Variants in SUMF1 observed in about 807,000 individuals in gnomAD.
SUMF1 encodes sulfatase modifying factor 1.
In SUMF1, 48 loss-of-function variants were observed where a neutral mutation model predicts 47.6. That is an observed-to-expected ratio of 1.01 (90% CI 0.80 to 1.28). The LOEUF is 1.28. SUMF1 is among the 50% of genes most tolerant of loss of function. SUMF1 has a pLI of 0.00. For synonymous variants in SUMF1, 230 were observed against 192.1 expected (o/e 1.20, Z -1.63); for missense variants, 571 against 485.4 (o/e 1.18, Z -1.66).
At chr3:4,300,073 G>C (rs1393015019) in intron 8 of SUMF1, among the ~76,000 whole-genome samples, 1 of 152,192 alleles carries the variant, frequency 6.6e-6, no homozygotes, top group Non-Finnish European at 1.5e-5. Context: ...AGTAGGAGAA[G>C]ACTGGATCAT....
At chr3:4,391,424 C>T (rs1176154571) in intron 7 of SUMF1, among the ~76,000 whole-genome samples, 5 of 152,236 alleles carry the variant, frequency 3.3e-5, no homozygotes, top group African/African-American at 1.2e-4. Flanking sequence ...TGTTGGAACA[C>T]ATGATGTTGT....
chr3:4,166,605 C>A (rs920890840), intron 8 of SUMF1, among the ~76,000 whole-genome samples: 3 of 152,124 alleles, frequency 2.0e-5, no homozygotes, highest in Non-Finnish European at 4.4e-5. Context: ...TTTTTAGAAG[C>A]ATGACTAGCC....
chr3:4,330,679 T>G (rs1420497755), intron 8 of SUMF1, among the ~76,000 whole-genome samples: 2 of 152,240 alleles, frequency 1.3e-5, no homozygotes, highest in East Asian at 3.8e-4. Flanking sequence ...CCAGATGAAT[T>G]TGTCACTCAA....
intron 8 of SUMF1, among the ~76,000 whole-genome samples, chr3:4,206,334 A>G (rs1286130161): frequency 2.6e-5 from 4 of 151,980 alleles, no homozygotes; most frequent in African/African-American, 4.8e-5. Flanking sequence ...GAACTTGCTC[A>G]GGAATCACAG....
intron 8 of SUMF1, among the ~76,000 whole-genome samples, chr3:4,075,277 G>C (rs1160670966): frequency 6.6e-6 from 1 of 151,990 alleles, no homozygotes; most frequent in Non-Finnish European, 1.5e-5. Context: ...AAGAGGACTT[G>C]ACAAAATTCA....
chr3:4,070,770 G>C (rs977274549), intron 8 of SUMF1, among the ~76,000 whole-genome samples: 1 of 151,958 alleles, frequency 6.6e-6, no homozygotes, highest in African/African-American at 2.4e-5. Flanking sequence ...TGAGTAGCTG[G>C]GACTACAGGT....
intron 3 of SUMF1, among the ~76,000 whole-genome samples, chr3:4,420,570 G>A (rs1373557080): frequency 1.3e-5 from 2 of 151,834 alleles, no homozygotes; most frequent in Non-Finnish European, 2.9e-5. Flanking sequence ...CGAATTTTTT[G>A]TATTTTTACT....
At chr3:4,096,024 G>A (rs1242107065) in intron 8 of SUMF1, among the ~76,000 whole-genome samples, 8 of 152,048 alleles carry the variant, frequency 5.3e-5, no homozygotes, top group African/African-American at 1.4e-4. Context: ...GGATTATGGT[G>A]GTCACAGGGA....
At chr3:4,246,682 G>A (rs1032639566) in intron 8 of SUMF1, among the ~76,000 whole-genome samples, 8 of 152,116 alleles carry the variant, frequency 5.3e-5, no homozygotes, top group African/African-American at 1.7e-4. Flanking sequence ...TTACAGGCGT[G>A]AGCTACCGCA....
chr3:4,438,934 A>G (rs1219206186), intron 3 of SUMF1, among the ~76,000 whole-genome samples: 1 of 152,216 alleles, frequency 6.6e-6, no homozygotes, highest in Non-Finnish European at 1.5e-5. Context: ...AGGGACCAAT[A>G]TCATAAGGGC....
chr3:4,227,818 T>C (rs1696207480), intron 8 of SUMF1, among the ~76,000 whole-genome samples: 1 of 152,162 alleles, frequency 6.6e-6, no homozygotes, highest in African/African-American at 2.4e-5. Context: ...GTCAGCTCCA[T>C]CCCTGGGCTC....
At chr3:4,238,412 A>G (rs1178908339) in intron 8 of SUMF1, among the ~76,000 whole-genome samples, 1 of 152,120 alleles carries the variant, frequency 6.6e-6, no homozygotes, top group African/African-American at 2.4e-5. Context: ...AAGCATTCCT[A>G]TTTCTCCAAA....
chr3:4,135,426 T>C (rs1087732), intron 8 of SUMF1, among the ~76,000 whole-genome samples: 119,458 of 151,860 alleles, frequency 0.79, 47,279 homozygotes, highest in Admixed American at 0.84. Flanking sequence ...TTCAACAACG[T>C]TTCATGCTAA....
chr3:4,104,670 C>G (rs1235791910), intron 8 of SUMF1, among the ~76,000 whole-genome samples: 1 of 149,772 alleles, frequency 6.7e-6, no homozygotes, highest in African/African-American at 2.5e-5. Context: ...CTCGATTTCT[C>G]TCTCTCTCTC....
At chr3:4,044,436 T>C (rs1010019800) in intron 9 of SUMF1, among the ~76,000 whole-genome samples, 2 of 152,192 alleles carry the variant, frequency 1.3e-5, no homozygotes, top group African/African-American at 4.8e-5. Flanking sequence ...CCCAAAATGA[T>C]GACTGTACAG....
At chr3:4,150,914 G>T (rs114333433) in intron 8 of SUMF1, among the ~76,000 whole-genome samples, 4,907 of 151,388 alleles carry the variant, frequency 0.032, 461 homozygotes, top group African/African-American at 0.11. Context: ...CTGTCTCCCT[G>T]TGCCCCAAAA....
At chr3:4,357,509 G>A (rs928586021), downstream of SUMF1, among the ~76,000 whole-genome samples, 1 of 151,616 alleles carries the variant, frequency 6.6e-6, no homozygotes, top group South Asian at 2.1e-4. Context: ...TATAGTCCCT[G>A]AAAAATAGAA....
chr3:4,403,217 C>T (rs558830590), intron 7 of SUMF1, among the ~76,000 whole-genome samples: 9 of 152,310 alleles, frequency 5.9e-5, no homozygotes, highest in Non-Finnish European at 8.8e-5. Context: ...GTGACTTGCA[C>T]AGGGTCACAC....
At chr3:4,074,769 C>A (rs554158041) in intron 8 of SUMF1, among the ~76,000 whole-genome samples, 38 of 152,164 alleles carry the variant, frequency 2.5e-4, no homozygotes, top group South Asian at 1.7e-3. Flanking sequence ...GATACAGACA[C>A]CCACCCAAGA....
Sources: allele counts gnomAD v4.1 joint callset (sites outside exome capture counted in the v4.1 genomes callset), GRCh38; gene constraint gnomAD v4.1.1; transcripts MANE v1.5; gene names NCBI Gene and HGNC (gene_info 2026-07-23, HGNC 2026-07-21).